Variants in SPRED1 observed in about 807,000 individuals in gnomAD.
SPRED1 encodes the protein sprouty-related, EVH1 domain-containing protein 1.
SPRED1 carries 18 observed loss-of-function variants against 52.3 expected under a neutral mutation model. The observed-to-expected ratio is 0.34, with a 90% confidence interval of 0.24 to 0.51. SPRED1 has a LOEUF of 0.51. Ranked by LOEUF, SPRED1 falls within the 20% of genes least tolerant of loss-of-function variation. The probability of loss-of-function intolerance (pLI) is 0.97; values close to 1 mark genes in which losing one functional copy is unlikely to be tolerated. For missense variants in SPRED1, 485 were observed against 551.0 expected (o/e 0.88, Z 1.20); for synonymous variants, 155 against 179.7 (o/e 0.86, Z 1.10).
chr15:38,297,111 C>G (rs929503599), intron 1 of SPRED1, among the ~76,000 whole-genome samples: 1 of 152,152 alleles, frequency 6.6e-6, no homozygotes, highest in Non-Finnish European at 1.5e-5. Flanking sequence ...ACTTTCAAGC[C>G]TCTAGAACTG....
At chr15:38,326,820 A>T (rs567037513) in intron 4 of SPRED1, among the ~76,000 whole-genome samples, 1 of 152,196 alleles carries the variant, frequency 6.6e-6, no homozygotes, top group Non-Finnish European at 1.5e-5. Flanking sequence ...CTACCTTTCA[A>T]TGAAAATAGA....
At chr15:38,259,863 A>C (rs1251486236) in intron 1 of SPRED1, among the ~76,000 whole-genome samples, 1 of 152,220 alleles carries the variant, frequency 6.6e-6, no homozygotes, top group East Asian at 1.9e-4. Flanking sequence ...AAATTATTAC[A>C]TATCTGTGAG....
At chr15:38,334,105 C>T (rs1351515697) in intron 4 of SPRED1, among the ~76,000 whole-genome samples, 1 of 151,818 alleles carries the variant, frequency 6.6e-6, no homozygotes, top group East Asian at 1.9e-4. Flanking sequence ...GTCAAAATGA[C>T]TGATTATTGC....
intron 1 of SPRED1, among the ~76,000 whole-genome samples, chr15:38,275,131 T>C (rs1390742495): frequency 6.6e-6 from 1 of 152,228 alleles, no homozygotes; most frequent in Non-Finnish European, 1.5e-5. Flanking sequence ...TCTACTTCCG[T>C]CATTCCTTCT....
intron 2 of SPRED1, among the ~76,000 whole-genome samples, chr15:38,305,593 G>T (rs532744806): frequency 6.6e-6 from 1 of 151,978 alleles, no homozygotes; most frequent in African/African-American, 2.4e-5. Flanking sequence ...AGGGAGTATA[G>T]GGAAGTTTTT....
intron 1 of SPRED1, among the ~76,000 whole-genome samples, chr15:38,263,510 G>A (rs943571839): frequency 2.7e-4 from 41 of 152,156 alleles, no homozygotes; most frequent in African/African-American, 9.2e-4. Context: ...AAGAAGAGAC[G>A]CCAAAAGACG....
Position 38,322,799 on chromosome 15 carries a change from G to A in SPRED1, c.376+390G>A, listed in dbSNP as rs563305450. Among the ~76,000 whole-genome samples, 4 of 152,218 alleles carry A rather than the reference G, an allele frequency of 2.6e-5. No individual in the cohort carries two copies. The South Asian group carries it at 6.2e-4, about 24-fold the overall frequency. On this transcript the variant is annotated intron_variant, in intron 3 of 6. Coordinates refer to ENST00000299084, the MANE Select transcript of SPRED1 (RefSeq NM_152594.3). ...TTTTTTGGGTAATTATATAGAACTTGTAATATTCAAATGTATGTAGACTCT... is the reference window on the plus strand; with the variant it reads ...TTTTTTGGGTAATTATATAGAACTTATAATATTCAAATGTATGTAGACTCT...
intron 1 of SPRED1, among the ~76,000 whole-genome samples, chr15:38,279,970 A>G (rs1178754651): frequency 1.3e-5 from 2 of 152,172 alleles, no homozygotes; most frequent in Admixed American, 6.5e-5. Context: ...ACATCTTGGA[A>G]TGATAAAATA....
At position 38,333,599 on chromosome 15, in the gene SPRED1, T is replaced by C. The variant is rs182618915; in HGVS notation, c.424-6138T>C. Among the ~76,000 whole-genome samples the C allele has an allele frequency of 4.0e-3, 614 of 152,214 alleles. 1 individual carries two copies. The highest frequency in any genetic ancestry group is 6.8e-3 in the Non-Finnish European group (459 of 67,974). ...AGAAATTAAATAGCAGAAATACATA[T>C]AAGAGTGAACAGTGTGACAGTACCT... On this transcript the variant is annotated intron_variant, in intron 4 of 6. Coordinates refer to ENST00000299084, the MANE Select transcript of SPRED1 (RefSeq NM_152594.3).
intron 5 of SPRED1, among the ~76,000 whole-genome samples, chr15:38,348,014 C>T (rs1465979046): frequency 3.3e-5 from 5 of 151,806 alleles, no homozygotes; most frequent in African/African-American, 1.2e-4. Context: ...AGGTAGTTTT[C>T]AAAGTGTGTA....
At chr15:38,268,247 C>G (rs2140954423) in intron 1 of SPRED1, 1 of 152,278 alleles carries the variant, frequency 6.6e-6, no homozygotes, top group South Asian at 2.1e-4. Flanking sequence ...TGTGAGTATC[C>G]TATGCCTTTT....
chr15:38,304,680 G>A (rs1382825784), intron 2 of SPRED1, among the ~76,000 whole-genome samples: 1 of 151,874 alleles, frequency 6.6e-6, no homozygotes, highest in Non-Finnish European at 1.5e-5. Flanking sequence ...TTGCAGTCTC[G>A]ACCTTCTGGT....
intron 5 of SPRED1, among the ~76,000 whole-genome samples, chr15:38,348,253 G>A (rs1030971702): frequency 6.6e-6 from 1 of 151,612 alleles, no homozygotes; most frequent in African/African-American, 2.4e-5. Flanking sequence ...ACTTCAAGTC[G>A]CATTTCCTTT....
chr15:38,349,638 T>C, intron 6 of SPRED1, 115 bp downstream of exon 6: 1 of 775,746 alleles, frequency 1.3e-6, no homozygotes. Context: ...AATTTTTCAT[T>C]GTATAAATTT....
At chr15:38,347,485 T>TTCC (rs869310453) in intron 5 of SPRED1, among the ~76,000 whole-genome samples, 1 of 94,062 alleles carries the variant, frequency 1.1e-5, no homozygotes, top group African/African-American at 3.8e-5. Context: ...TTTTTTTTTT[T>TTCC]CAATTTGGCT....
At chr15:38,265,260 A>G (rs896007806) in intron 1 of SPRED1, among the ~76,000 whole-genome samples, 10 of 152,090 alleles carry the variant, frequency 6.6e-5, no homozygotes, top group African/African-American at 2.2e-4. Flanking sequence ...AGAGGGATAC[A>G]ACCTCTGAAT....
intron 2 of SPRED1, among the ~76,000 whole-genome samples, chr15:38,320,552 A>G (rs1206983476): frequency 6.6e-6 from 1 of 152,130 alleles, no homozygotes; most frequent in East Asian, 1.9e-4. Flanking sequence ...GTAATTCACT[A>G]CTACTAGTAA....
rs1894017994 is a variant in SPRED1 at position 38,253,207 on chromosome 15, T to G, written c.22T>G (p.Ser8Ala). 1 of 1,580,016 alleles carries G rather than the reference T, an allele frequency of 6.3e-7. No individual in the cohort carries two copies. The highest frequency in any genetic ancestry group is 8.6e-7 in the Non-Finnish European group (1 of 1,161,802). The change falls in exon 1 of 7, where the codon TCT becomes GCT. Residue 8 changes from serine (S) to alanine (A), a missense_variant. Transcript: ENST00000299084. ...AAAGATGAGCGAGGAGACGGCGACT[T>G]CTGACAACGAGTAAGCGCCTCATTG... MSEETATSDNDNSYARVR... is the reference protein window; with the variant it reads MSEETATADNDNSYARVR...
chr15:38,259,959 A>C (rs9919985), intron 1 of SPRED1, among the ~76,000 whole-genome samples: 1 of 152,306 alleles, frequency 6.6e-6, no homozygotes, highest in African/African-American at 2.4e-5. Context: ...TAGACAAAGC[A>C]TTCTTAAAAT....
Sources: allele counts gnomAD v4.1 joint callset (sites outside exome capture counted in the v4.1 genomes callset), GRCh38; gene constraint gnomAD v4.1.1; transcripts MANE v1.5; gene names NCBI Gene and HGNC (gene_info 2026-07-23, HGNC 2026-07-21).